Variants in ITPR1 observed in about 807,000 individuals in gnomAD.
The protein encoded by ITPR1 is inositol 1,4,5-trisphosphate-gated calcium channel ITPR1.
ITPR1 carries 96 observed loss-of-function variants against 318.4 expected under a neutral mutation model. That is an observed-to-expected ratio of 0.30 (90% CI 0.26 to 0.36). The LOEUF is 0.36. ITPR1 is among the 10% of genes least tolerant of loss of function. ITPR1 has a pLI of 1.00. For missense variants in ITPR1, 2,440 were observed against 3,460.2 expected (o/e 0.71, Z 7.40); for synonymous variants, 1,312 against 1,289.9 (o/e 1.02, Z -0.37).
chr3:4,618,205 A>T (rs879122174), intron 4 of ITPR1, among the ~76,000 whole-genome samples: 2 of 152,180 alleles, frequency 1.3e-5, no homozygotes, highest in Non-Finnish European at 2.9e-5. Context: ...GGTTAATTTT[A>T]TATTATGTGA....
chr3:4,601,175 C>CCTTTTT (rs572581632), intron 4 of ITPR1, among the ~76,000 whole-genome samples: 5 of 119,750 alleles, frequency 4.2e-5, no homozygotes, highest in Non-Finnish European at 8.3e-5. Flanking sequence ...GAAAAATATT[C>CCTTTTT]TTTTTTTTTT....
At chr3:4,609,642 A>G (rs1402314731) in intron 4 of ITPR1, among the ~76,000 whole-genome samples, 1 of 151,804 alleles carries the variant, frequency 6.6e-6, no homozygotes, top group Non-Finnish European at 1.5e-5. Flanking sequence ...CTGGGTCACA[A>G]CGTATTCAAT....
rs757186136 is a variant in ITPR1, at chr3:4,814,552, C to T, written c.7691C>T (p.Pro2564Leu). ...GGGVGDVLRK[P>L]SKEEPLFAAR... The stretch of plus-strand genomic sequence containing the variant: ...GGAGTAGGAGATGTACTCAGGAAGC[C>T]GTCCAAAGAGGTAAATTAATCCCGA... The change falls in exon 58 of 62, where the codon CCG becomes CTG. Residue 2564 changes from proline to leucine, a missense_variant. Physicochemically the swap from Pro to Leu is moderately conservative, Grantham distance 98. Transcript: ENST00000649015. 2.5e-6 allele frequency: 4 copies of T among 1,575,570 alleles called. No individual in the cohort carries two copies. The South Asian group carries it at 3.3e-5, about 13-fold the overall frequency.
Position 4,811,126 on chromosome 3 carries a change from A to C in ITPR1, c.7273-139A>C, listed in dbSNP as rs1003708419. On this transcript the variant is annotated intron_variant, in intron 55 of 61. Coordinates refer to ENST00000649015, the MANE Select transcript of ITPR1 (RefSeq NM_001378452.1). ...CCGTTTCACTGTGAAGCCAGGGAAGATGTTCAGTGTTAAGATCATATGTAG... is the reference window on the plus strand; with the variant it reads ...CCGTTTCACTGTGAAGCCAGGGAAGCTGTTCAGTGTTAAGATCATATGTAG... 100 of 453,148 alleles carry C rather than the reference A, an allele frequency of 2.2e-4. 2 individuals are homozygous for C. In the Admixed American group the frequency reaches 4.1e-3, roughly 18 times the overall value. 28.1% of individuals were successfully genotyped at this position (453,148 alleles called of 1,614,324 possible). A position where few individuals can be genotyped will look rare whatever the true frequency, so the allele number is the denominator to read the frequency against.
intron 21 of ITPR1, among the ~76,000 whole-genome samples, chr3:4,673,766 T>C (rs1386790340): frequency 2.0e-5 from 3 of 152,100 alleles, no homozygotes; most frequent in African/African-American, 7.2e-5. Context: ...GTATTTTTAG[T>C]AGGGACGGGG....
intron 60 of ITPR1, among the ~76,000 whole-genome samples, chr3:4,823,407 T>G (rs1455823504): frequency 6.6e-6 from 1 of 152,154 alleles, no homozygotes; most frequent in Non-Finnish European, 1.5e-5. Context: ...CTAACATAAG[T>G]GCCCATCAAC....
intron 4 of ITPR1, among the ~76,000 whole-genome samples, chr3:4,616,971 T>G (rs2125109382): frequency 6.6e-6 from 1 of 152,046 alleles, no homozygotes; most frequent in Non-Finnish European, 1.5e-5. Flanking sequence ...TGCCTTCTCA[T>G]CACTCTCTTC....
chr3:4,499,085 T>C (rs1196278077), intron 2 of ITPR1, among the ~76,000 whole-genome samples: 2 of 152,206 alleles, frequency 1.3e-5, no homozygotes, highest in Non-Finnish European at 2.9e-5. Flanking sequence ...GCCCGGGGGT[T>C]TGAGGCTGTA....
chr3:4,674,106 G>C (rs185122775), intron 21 of ITPR1, 96 bp from the exon 22 acceptor site: 49 of 929,522 alleles, frequency 5.3e-5, no homozygotes, highest in Admixed American at 3.5e-4. Context: ...GATGCCAAGG[G>C]TTAGGGGATG....
intron 4 of ITPR1, among the ~76,000 whole-genome samples, chr3:4,565,115 T>G (rs1282389552): frequency 6.6e-6 from 1 of 152,236 alleles, no homozygotes; most frequent in African/African-American, 2.4e-5. Context: ...GGCTCCTCTG[T>G]GATAAGATCT....
chr3:4,813,051 A>T (rs1237580617), intron 56 of ITPR1, 91 bp from the exon 57 acceptor site: 1 of 895,192 alleles, frequency 1.1e-6, no homozygotes, highest in Admixed American at 1.7e-5. Context: ...TTATGTAAAG[A>T]ATTGTTTAAT....
At chr3:4,744,618 T>C (rs2043947471) in intron 44 of ITPR1, among the ~76,000 whole-genome samples, 1 of 152,210 alleles carries the variant, frequency 6.6e-6, no homozygotes, top group Admixed American at 6.5e-5. Context: ...GCGTGTGAAA[T>C]GTTTACCATT....
intron 5 of ITPR1, among the ~76,000 whole-genome samples, chr3:4,631,563 T>G (rs2093016282): frequency 6.6e-6 from 1 of 152,190 alleles, no homozygotes; most frequent in South Asian, 2.1e-4. Context: ...TTTTGGTCTT[T>G]TTTGACCTTT....
chr3:4,844,698 T>C (rs973436132), intron 61 of ITPR1, among the ~76,000 whole-genome samples: 1 of 152,228 alleles, frequency 6.6e-6, no homozygotes, highest in Non-Finnish European at 1.5e-5. Context: ...AAGATGTCAC[T>C]CACCTAAGGA....
At chr3:4,545,126 G>T (rs1056029901) in intron 4 of ITPR1, among the ~76,000 whole-genome samples, 3 of 152,068 alleles carry the variant, frequency 2.0e-5, no homozygotes, top group African/African-American at 7.2e-5. Flanking sequence ...AAGCTCCCTG[G>T]TAGAATCAAG....
At position 4,814,550 on chromosome 3, in the gene ITPR1, G is replaced by A. The variant is rs901854; in HGVS notation, c.7689G>A (p.Lys2563=). 0.61 allele frequency: 965,617 copies of A among 1,590,260 alleles called. 291,925 individuals carry two copies. Among genetic ancestry groups the A allele is most frequent in the East Asian group, 0.72 (31,461 of 43,600 alleles). Residue 2563 remains lysine, a synonymous_variant, in exon 58 of 62, where the codon AAG becomes AAA. Coordinates refer to ENST00000649015, the MANE Select transcript of ITPR1 (RefSeq NM_001378452.1). ...GTGGAGTAGGAGATGTACTCAGGAA[G>A]CCGTCCAAAGAGGTAAATTAATCCC... ...SGGGVGDVLR[K]PSKEEPLFAA...
chr3:4,782,871 C>CA, intron 50 of ITPR1, 130 bp downstream of exon 50: 20 of 840,258 alleles, frequency 2.4e-5, no homozygotes, highest in Non-Finnish European at 3.3e-5. Flanking sequence ...CATGAGCCTG[C>CA]GGCTCACAGG....
intron 52 of ITPR1, among the ~76,000 whole-genome samples, chr3:4,788,532 C>T (rs2047348786): frequency 6.6e-6 from 1 of 152,242 alleles, no homozygotes; most frequent in African/African-American, 2.4e-5. Context: ...AGCACACCTG[C>T]TCCAGAGACT....
At chr3:4,534,284 G>A (rs1349873238) in intron 4 of ITPR1, among the ~76,000 whole-genome samples, 1 of 152,164 alleles carries the variant, frequency 6.6e-6, no homozygotes, top group Non-Finnish European at 1.5e-5. Context: ...GGAACCTCCA[G>A]TGTTTATTAT....
Sources: allele counts gnomAD v4.1 joint callset (sites outside exome capture counted in the v4.1 genomes callset), GRCh38; gene constraint gnomAD v4.1.1; transcripts MANE v1.5; gene names NCBI Gene and HGNC (gene_info 2026-07-23, HGNC 2026-07-21).